UGT1A5: variants seen among roughly 807,000 people sequenced by gnomAD.
UGT1A5 encodes the protein UDP glucuronosyltransferase family 1 member A5.
In UGT1A5, 29 loss-of-function variants were observed where a neutral mutation model predicts 40.3. The observed-to-expected ratio is 0.72, with a 90% CI of 0.54 to 0.98. UGT1A5 has a LOEUF of 0.98. Ranked by LOEUF, UGT1A5 falls within the 50% of genes least tolerant of loss-of-function variation. The pLI, the probability that UGT1A5 is intolerant of heterozygous loss-of-function variation, is 0.00. For synonymous variants in UGT1A5, 257 were observed against 262.5 expected (o/e 0.98, Z 0.20); for missense variants, 678 against 677.9 (o/e 1.00, Z 0.00).
intron 1 of UGT1A5, among the ~76,000 whole-genome samples, chr2:233,731,040 C>T (rs1274870309): frequency 2.6e-5 from 4 of 152,166 alleles, no homozygotes; most frequent in African/African-American, 9.7e-5. Flanking sequence ...ATGTCATATT[C>T]ACCGAATGTG....
At chr2:233,723,288 C>A (rs1349811182) in intron 1 of UGT1A5, among the ~76,000 whole-genome samples, 2 of 115,626 alleles carry the variant, frequency 1.7e-5, no homozygotes, top group Non-Finnish European at 3.4e-5. Flanking sequence ...TGGCTCACTG[C>A]AACCTCTGCC....
chr2:233,734,873 G>A (rs1334248859), intron 1 of UGT1A5, among the ~76,000 whole-genome samples: 3 of 152,244 alleles, frequency 2.0e-5, no homozygotes, highest in Non-Finnish European at 2.9e-5. Flanking sequence ...ACTATGGTCT[G>A]AGAGACAGTT....
chr2:233,728,202 T>G (rs2077690162), intron 1 of UGT1A5, among the ~76,000 whole-genome samples: 1 of 152,206 alleles, frequency 6.6e-6, no homozygotes, highest in Non-Finnish European at 1.5e-5. Context: ...CTGGATTGAC[T>G]TGGAGAAGAG....
chr2:233,743,880 G>C (rs754311427), intron 1 of UGT1A5: 1 of 1,366,528 alleles, frequency 7.3e-7, no homozygotes, highest in South Asian at 1.1e-5. Flanking sequence ...GATGAGGCCT[G>C]CCGGGGCACG....
At chr2:233,734,487 G>T (rs1258869591) in intron 1 of UGT1A5, among the ~76,000 whole-genome samples, 1 of 151,866 alleles carries the variant, frequency 6.6e-6, no homozygotes, top group East Asian at 1.9e-4. Flanking sequence ...TGATTTTTTT[G>T]AAGGTTTTTT....
rs537688236 is a variant in UGT1A5, at chr2:233,769,340, T to C, written c.1307+901T>C. On this transcript the variant is annotated intron_variant, in intron 4 of 4. Coordinates refer to ENST00000373414, the MANE Select transcript of UGT1A5 (RefSeq NM_019078.2). The surrounding 1 kb of genome is among the most constrained non-coding windows in gnomAD (Gnocchi z 4.4). The stretch of plus-strand genomic sequence containing the variant: ...CACTGGTAATAGGCTTATTAGAACC[T>C]TATGGGAAGAAGTGGTGGCCAGTGG... Among the ~76,000 whole-genome samples, 3 of 152,228 alleles carry C rather than the reference T, an allele frequency of 2.0e-5. No individual in the cohort carries two copies. The South Asian group carries it at 6.2e-4, about 32-fold the overall frequency.
rs45516494 is a variant in UGT1A5 at position 233,719,303 on chromosome 2, G to A, written c.867+5445G>A. 3.5e-4 allele frequency: 567 copies of A among 1,613,968 alleles called. 2 individuals carry two copies. In the African/African-American group the frequency reaches 6.9e-3, roughly 20 times the overall value. ...CCGTTAACCTCTGTGGGGCGGTGCTGGCTAAGTACCTGTCGATTCCTGCTG... is the reference window on the plus strand; with the variant it reads ...CCGTTAACCTCTGTGGGGCGGTGCTAGCTAAGTACCTGTCGATTCCTGCTG... On this transcript the variant is annotated intron_variant, in intron 1 of 4. Transcript: ENST00000373414.
At chr2:233,719,313 C>CT (rs1559364649) in intron 1 of UGT1A5, 6 of 1,613,954 alleles carry the variant, frequency 3.7e-6, no homozygotes, top group Non-Finnish European at 5.1e-6. Flanking sequence ...GGCTAAGTAC[C>CT]TGTCGATTCC....
chr2:233,766,281 G>A (rs1699102730), intron 1 of UGT1A5, among the ~76,000 whole-genome samples: 1 of 151,840 alleles, frequency 6.6e-6, no homozygotes. Context: ...GGTGGCCCGG[G>A]CTCGGTGGCC....
intron 1 of UGT1A5, among the ~76,000 whole-genome samples, chr2:233,720,925 G>A (rs1022099948): frequency 2.7e-5 from 4 of 149,372 alleles, no homozygotes; most frequent in African/African-American, 9.9e-5. Context: ...TAGCCAGGCT[G>A]GTCTTGAACT....
chr2:233,765,029 G>A (rs1326471824), intron 1 of UGT1A5, among the ~76,000 whole-genome samples: 1 of 152,048 alleles, frequency 6.6e-6, no homozygotes, highest in Non-Finnish European at 1.5e-5. Flanking sequence ...CAGGAGTCCT[G>A]CTGTGCAAAT....
rs773318792 is a variant in UGT1A5 at position 233,769,599 on chromosome 2, C to T, written c.1307+1160C>T. 17 of 1,612,664 alleles carry T rather than the reference C, an allele frequency of 1.1e-5. No individual in the cohort carries two copies. Among genetic ancestry groups the T allele is most frequent in the South Asian group, 2.2e-5 (2 of 91,048 alleles). ...TGTTCAGATGAGAGGAGACGGAACACGGGGACACACCAGCTTGAGCAAGGG... is the reference window on the plus strand; with the variant it reads ...TGTTCAGATGAGAGGAGACGGAACATGGGGACACACCAGCTTGAGCAAGGG... On this transcript the variant is annotated intron_variant, in intron 4 of 4. Coordinates refer to ENST00000373414, the MANE Select transcript of UGT1A5 (RefSeq NM_019078.2). The surrounding 1 kb of genome is among the most constrained non-coding windows in gnomAD (Gnocchi z 4.4).
intron 1 of UGT1A5, among the ~76,000 whole-genome samples, chr2:233,715,912 C>G (rs2076476989): frequency 6.6e-6 from 1 of 152,186 alleles, no homozygotes; most frequent in African/African-American, 2.4e-5. Flanking sequence ...GTGGGAGGAT[C>G]ATTGAGCTCA....
rs769053574 is a variant in UGT1A5 at position 233,713,820 on chromosome 2, G to T, written c.829G>T (p.Gly277Trp). The stretch of plus-strand genomic sequence containing the variant: ...GATCATGCCCAACATGGTCTTCATT[G>T]GGGGCATCAACTGTGCCAACGGGAA... ...RPIMPNMVFI[G>W]GINCANGKPL... is the part of the protein sequence containing the mutation. The change falls in exon 1 of 5, where the codon GGG becomes TGG. Residue 277 changes from glycine (G) to tryptophan (W), a missense_variant. Coordinates refer to ENST00000373414, the MANE Select transcript of UGT1A5 (RefSeq NM_019078.2). The T allele has an allele frequency of 1.1e-5, 17 of 1,614,012 alleles. No individual in the cohort carries two copies. In the South Asian group the frequency reaches 1.9e-4, roughly 18 times the overall value.
chr2:233,730,339 G>T (rs954764150), intron 1 of UGT1A5, among the ~76,000 whole-genome samples: 16 of 152,296 alleles, frequency 1.1e-4, no homozygotes, highest in Non-Finnish European at 7.4e-5. Context: ...GTTTGGAACT[G>T]ATCCATCCTG....
At chr2:233,750,488 T>A (rs1694469780) in intron 1 of UGT1A5, 1 of 151,920 alleles carries the variant, frequency 6.6e-6, no homozygotes, top group African/African-American at 2.4e-5. Context: ...TTTGCATAAG[T>A]AAGGAGGAGC....
chr2:233,727,679 G>C lies in UGT1A5; in HGVS notation c.867+13821G>C, dbSNP rs376074254. Among the ~76,000 whole-genome samples, 5 of 152,276 alleles carry C rather than the reference G, an allele frequency of 3.3e-5. No homozygotes were observed. The East Asian group carries it at 7.7e-4, about 24-fold the overall frequency. The stretch of plus-strand genomic sequence containing the variant: ...TGCTCTATGTCCTTACAAATTCCCA[G>C]GAATCATCCTCTACTGGACAGTTCC... On this transcript the variant is annotated intron_variant, in intron 1 of 4. Coordinates refer to ENST00000373414, the MANE Select transcript of UGT1A5 (RefSeq NM_019078.2).
intron 1 of UGT1A5, among the ~76,000 whole-genome samples, chr2:233,748,510 G>A (rs1250005538): frequency 1.3e-5 from 2 of 151,856 alleles, no homozygotes; most frequent in Non-Finnish European, 2.9e-5. Context: ...TAGTGGTCCT[G>A]TCTTGCGAAT....
At chr2:233,766,358 C>G (rs1222221070) in intron 1 of UGT1A5, among the ~76,000 whole-genome samples, 1 of 152,148 alleles carries the variant, frequency 6.6e-6, no homozygotes, top group Non-Finnish European at 1.5e-5. Context: ...CTGCCGGTGC[C>G]TGTTGGTGAG....
Sources: allele counts gnomAD v4.1 joint callset (sites outside exome capture counted in the v4.1 genomes callset), GRCh38; gene constraint gnomAD v4.1.1; non-coding constraint Gnocchi (gnomAD v3.1); transcripts MANE v1.5; gene names NCBI Gene and HGNC (gene_info 2026-07-23, HGNC 2026-07-21).